SLC8A1: variants seen among roughly 807,000 people sequenced by gnomAD.
SLC8A1 encodes sodium/calcium exchanger 1.
Under a neutral mutation model 68.3 loss-of-function variants are expected in SLC8A1, and 18 were observed. The observed-to-expected ratio is 0.26, with a 90% CI of 0.18 to 0.39. The LOEUF (loss-of-function observed/expected upper bound fraction) is 0.39, where lower values mean the gene tolerates loss of function less well. Ranked by LOEUF, SLC8A1 falls within the 10% of genes least tolerant of loss-of-function variation. The pLI is 1.00. For missense variants in SLC8A1, 985 were observed against 1,156.7 expected, an observed-to-expected ratio of 0.85 and a Z score of 2.15; for synonymous variants, 475 against 415.5, an observed-to-expected ratio of 1.14 and a Z score of -1.74.
At chr2:40,145,514 TA>T (rs2042294587) in intron 6 of SLC8A1, among the ~76,000 whole-genome samples, 1 of 152,210 alleles carries the variant, frequency 6.6e-6, no homozygotes, top group Non-Finnish European at 1.5e-5. Context: ...AGGCACTCAG[TA>T]GGCTTTCTCC....
At chr2:40,403,022 CACTT>C (rs1689215695) in intron 2 of SLC8A1, among the ~76,000 whole-genome samples, 1 of 152,156 alleles carries the variant, frequency 6.6e-6, no homozygotes, top group South Asian at 2.1e-4. Flanking sequence ...TCCATAATGA[CACTT>C]ACATACAAAT....
At chr2:40,241,862 C>A (rs554652852) in intron 2 of SLC8A1, among the ~76,000 whole-genome samples, 1 of 139,766 alleles carries the variant, frequency 7.2e-6, no homozygotes, top group South Asian at 2.4e-4. Flanking sequence ...TATCAACAGA[C>A]AGAAAAATAG....
intron 2 of SLC8A1, among the ~76,000 whole-genome samples, chr2:40,260,445 A>G (rs1009508547): frequency 2.6e-5 from 4 of 152,118 alleles, no homozygotes; most frequent in Non-Finnish European, 2.9e-5. Context: ...CTTCCAACCT[A>G]CTCTGATTGA....
At chr2:40,368,682 T>C (rs1488054769) in intron 2 of SLC8A1, among the ~76,000 whole-genome samples, 3 of 152,062 alleles carry the variant, frequency 2.0e-5, no homozygotes, top group Admixed American at 6.6e-5. Context: ...TACAGATTAT[T>C]TGAAAACCCA....
intron 2 of SLC8A1, among the ~76,000 whole-genome samples, chr2:40,346,215 T>C (rs1454020759): frequency 6.6e-6 from 1 of 152,078 alleles, no homozygotes; most frequent in South Asian, 2.1e-4. Context: ...TTGATTTCTT[T>C]TATTGCACAC....
At chr2:40,254,361 T>C (rs1017185812) in intron 2 of SLC8A1, 1 of 151,756 alleles carries the variant, frequency 6.6e-6, no homozygotes, top group Admixed American at 6.6e-5. Flanking sequence ...TAACATATCC[T>C]TTTTCTATCA....
rs1233234632 is a variant in SLC8A1 at position 40,172,617 on chromosome 2, A to G, written c.1930+2208T>C. 1.3e-5 allele frequency among the ~76,000 whole-genome samples: 2 copies of G among 152,134 alleles called. 1 individual carries two copies. Among genetic ancestry groups the G allele is most frequent in the Admixed American group, 1.3e-4 (2 of 15,276 alleles). On this transcript the variant is annotated intron_variant, in intron 4 of 7. Transcript: ENST00000406785. The stretch of plus-strand genomic sequence containing the variant: ...ATTACCTGAGATATTAAAAGGGAGG[A>G]CAGTTCAAATGACATAGAAGGAAGG...
At chr2:40,373,092 T>TA (rs1240379611) in intron 2 of SLC8A1, among the ~76,000 whole-genome samples, 2 of 152,120 alleles carry the variant, frequency 1.3e-5, no homozygotes, top group African/African-American at 4.8e-5. Flanking sequence ...CCAGAAATGT[T>TA]AAAAATGTTT....
chr2:40,349,581 C>CA (rs1670416370), intron 2 of SLC8A1, among the ~76,000 whole-genome samples: 2 of 152,048 alleles, frequency 1.3e-5, no homozygotes, highest in African/African-American at 4.8e-5. Context: ...AGAGTATCTA[C>CA]CTCACAGGGT....
At chr2:40,367,784 A>T (rs1644421680) in intron 2 of SLC8A1, among the ~76,000 whole-genome samples, 1 of 152,018 alleles carries the variant, frequency 6.6e-6, no homozygotes, top group African/African-American at 2.4e-5. Flanking sequence ...CCTTCTGTTA[A>T]AATGCAGCCT....
At chr2:40,485,035 A>G (rs963270790) in intron 1 of SLC8A1, among the ~76,000 whole-genome samples, 7 of 152,170 alleles carry the variant, frequency 4.6e-5, no homozygotes, top group Non-Finnish European at 1.0e-4. Context: ...ATACTAAAGA[A>G]TAAGAGCTTG....
intron 2 of SLC8A1, chr2:40,254,887 G>A (rs546108965): frequency 2.0e-5 from 3 of 152,288 alleles, no homozygotes; most frequent in African/African-American, 7.2e-5. Flanking sequence ...ACATCAAAGA[G>A]TGAACACTGG....
At position 40,312,504 on chromosome 2, in the gene SLC8A1, T is replaced by C. The variant is rs145109092; in HGVS notation, c.1808+115969A>G. ...CTCTGAAGGGCATTTTCTCCACAAA[T>C]TATAAAAGTATAAAGGGTTTTAGAT... is the stretch of plus-strand genomic sequence containing the variant. On this transcript the variant is annotated intron_variant, in intron 2 of 7. Transcript: ENST00000406785. Among the ~76,000 whole-genome samples the C allele has an allele frequency of 1.5e-4, 23 of 152,180 alleles. No individual in the cohort carries two copies. The East Asian group carries it at 2.9e-3, about 19-fold the overall frequency.
chr2:40,391,277 C>G (rs1294389824), intron 2 of SLC8A1, among the ~76,000 whole-genome samples: 1 of 151,536 alleles, frequency 6.6e-6, no homozygotes, highest in Non-Finnish European at 1.5e-5. Flanking sequence ...GGGAGAAAGA[C>G]TTTGAAGAAA....
At chr2:40,358,981 G>A (rs1206523692) in intron 2 of SLC8A1, among the ~76,000 whole-genome samples, 1 of 152,158 alleles carries the variant, frequency 6.6e-6, no homozygotes, top group African/African-American at 2.4e-5. Context: ...AGGTGCGGGG[G>A]TGGATGGGGG....
chr2:40,493,892 TC>T (rs999327368), intron 1 of SLC8A1, among the ~76,000 whole-genome samples: 52 of 151,922 alleles, frequency 3.4e-4, no homozygotes, highest in Non-Finnish European at 4.4e-5. Flanking sequence ...TCCCCAACAT[TC>T]CTTTCCTTTC....
At chr2:40,256,615 G>A (rs888112875) in intron 2 of SLC8A1, among the ~76,000 whole-genome samples, 1 of 152,070 alleles carries the variant, frequency 6.6e-6, no homozygotes, top group African/African-American at 2.4e-5. Flanking sequence ...ATAATGCTAA[G>A]TAGCTTCATT....
chr2:40,306,697 T>C (rs2072682047), intron 2 of SLC8A1, among the ~76,000 whole-genome samples: 1 of 152,142 alleles, frequency 6.6e-6, no homozygotes, highest in Admixed American at 6.6e-5. Flanking sequence ...TGGAACACAG[T>C]TTCTTAATTA....
chr2:40,159,494 G>C (rs1356432168), intron 6 of SLC8A1, among the ~76,000 whole-genome samples: 1 of 152,100 alleles, frequency 6.6e-6, no homozygotes, highest in African/African-American at 2.4e-5. Context: ...AAAAGAGTTT[G>C]TTCATTTTTA....
Sources: gnomAD v4.1 joint callset for allele counts (sites outside exome capture counted in the v4.1 genomes callset) on GRCh38, gnomAD v4.1.1 for gene constraint, MANE v1.5 for transcripts, NCBI Gene and HGNC (gene_info 2026-07-23, HGNC 2026-07-21) for gene names.